The following TMPRSS11E variants were observed in gnomAD, a reference collection of about 807,000 sequenced individuals.
TMPRSS11E encodes transmembrane serine protease 11E, also known as transmembrane protease serine 11E.
In TMPRSS11E, 38 loss-of-function variants were observed where a neutral mutation model predicts 48.1. That is an observed-to-expected ratio of 0.79 (90% CI 0.61 to 1.04). The LOEUF (loss-of-function observed/expected upper bound fraction) is 1.04, where lower values mean the gene tolerates loss of function less well. Among genes scored for constraint, TMPRSS11E ranks in the 50% least tolerant of loss-of-function variants. The pLI, the probability that TMPRSS11E is intolerant of heterozygous loss-of-function variation, is 0.00. For missense variants in TMPRSS11E, 530 were observed against 510.8 expected (o/e 1.04, Z -0.36); for synonymous variants, 158 against 171.9 (o/e 0.92, Z 0.63).
intron 9 of TMPRSS11E, among the ~76,000 whole-genome samples, chr4:68,495,727 T>C (rs35777071): frequency 0.5 from 76,447 of 151,758 alleles, 21,529 homozygotes; most frequent in Non-Finnish European, 0.65. Context: ...AAATTCGGGG[T>C]CTGCCACTGA....
intron 9 of TMPRSS11E, among the ~76,000 whole-genome samples, chr4:68,483,226 C>T (rs1424863410): frequency 6.7e-6 from 1 of 149,174 alleles, no homozygotes; most frequent in East Asian, 2.0e-4. Flanking sequence ...GGAGCAGGAA[C>T]ATCATGTGGT....
intron 9 of TMPRSS11E, among the ~76,000 whole-genome samples, chr4:68,491,083 A>G (rs530892656): frequency 7.9e-5 from 12 of 151,880 alleles, no homozygotes; most frequent in Non-Finnish European, 1.2e-4. Context: ...TCTGACACCA[A>G]TCTAGTAGGG....
chr4:68,492,578 T>C (rs1339917341), intron 9 of TMPRSS11E, among the ~76,000 whole-genome samples: 1 of 152,172 alleles, frequency 6.6e-6, no homozygotes, highest in Non-Finnish European at 1.5e-5. Flanking sequence ...ATGGAGAAAA[T>C]ATGTATATTT....
At chr4:68,490,229 C>T (rs959744216) in intron 9 of TMPRSS11E, among the ~76,000 whole-genome samples, 1 of 152,156 alleles carries the variant, frequency 6.6e-6, no homozygotes, top group Non-Finnish European at 1.5e-5. Context: ...TGCCTTCTTT[C>T]TGAAAATTTG....
At chr4:68,476,850 T>A (rs565750694) in intron 7 of TMPRSS11E, among the ~76,000 whole-genome samples, 1 of 152,250 alleles carries the variant, frequency 6.6e-6, no homozygotes, top group East Asian at 1.9e-4. Flanking sequence ...AATTATGTAA[T>A]GAAGATATGA....
chr4:68,458,983 G>C (rs1003648691), intron 1 of TMPRSS11E, among the ~76,000 whole-genome samples: 4 of 151,990 alleles, frequency 2.6e-5, no homozygotes, highest in African/African-American at 9.7e-5. Flanking sequence ...GGTTAGGAGG[G>C]GTCTGGACTT....
At chr4:68,477,976 C>A (rs1729279503) in intron 8 of TMPRSS11E, among the ~76,000 whole-genome samples, 1 of 152,038 alleles carries the variant, frequency 6.6e-6, no homozygotes, top group South Asian at 2.1e-4. Context: ...ATAAAGCCAC[C>A]ATTCTCCCCT....
intron 9 of TMPRSS11E, among the ~76,000 whole-genome samples, chr4:68,493,478 G>C (rs766632471): frequency 5.3e-5 from 8 of 151,932 alleles, no homozygotes; most frequent in Admixed American, 1.3e-4. Context: ...ATTTTTTTGG[G>C]GGGGAGGGAT....
At chr4:68,457,678 A>C (rs1031821386) in intron 1 of TMPRSS11E, among the ~76,000 whole-genome samples, 1 of 152,098 alleles carries the variant, frequency 6.6e-6, no homozygotes, top group African/African-American at 2.4e-5. Flanking sequence ...TGTTATACGT[A>C]TCTCATTTCT....
At position 68,492,492 on chromosome 4, in the gene TMPRSS11E, G is replaced by T. The variant is rs559914872; in HGVS notation, c.1111-4151G>T. ...CATTTTTCACATTTTTATTATCTTT[G>T]CTGGCGATTTTGCTGTTTAAAATAG... On this transcript the variant is annotated intron_variant, in intron 9 of 9. Transcript: ENST00000305363. Among the ~76,000 whole-genome samples the T allele has an allele frequency of 1.1e-4, 17 of 152,114 alleles. No homozygotes were observed. In the South Asian group the frequency reaches 3.5e-3, roughly 32 times the overall value.
At chr4:68,452,077 AG>A (rs1374125568) in intron 1 of TMPRSS11E, among the ~76,000 whole-genome samples, 1 of 151,934 alleles carries the variant, frequency 6.6e-6, no homozygotes, top group Non-Finnish European at 1.5e-5. Flanking sequence ...CATTCTCTAA[AG>A]GAAGGGAACA....
Position 68,496,690 on chromosome 4 carries a change from G to A in TMPRSS11E, c.1158G>A (p.Trp386Ter), listed in dbSNP as rs1247089623. Residue 386 changes from tryptophan to a stop codon, truncating the protein, a stop_gained, in exon 10 of 10, where the codon TGG becomes TGA. Coordinates refer to ENST00000305363, the MANE Select transcript of TMPRSS11E (RefSeq NM_014058.4). LOFTEE classifies it high-confidence loss of function. Reference sequence around the variant, plus strand: ...TTAGTTCAGATGCTAGAGATATCTGGTACCTTGCTGGAATAGTGAGCTGGG... The same window carrying A: ...TTAGTTCAGATGCTAGAGATATCTGATACCTTGCTGGAATAGTGAGCTGGG... ...PLVSSDARDI[W>*]YLAGIVSWGD... 5 of 1,613,490 alleles carry A rather than the reference G, an allele frequency of 3.1e-6. No individual in the cohort carries two copies. Among genetic ancestry groups the A allele is most frequent in the Non-Finnish European group, 3.4e-6 (4 of 1,179,654 alleles).
At chr4:68,452,016 G>A (rs1006123047) in intron 1 of TMPRSS11E, among the ~76,000 whole-genome samples, 2 of 151,880 alleles carry the variant, frequency 1.3e-5, no homozygotes, top group Non-Finnish European at 2.9e-5. Flanking sequence ...TGTTATGGAT[G>A]ATCTTTAAAG....
At position 68,477,394 on chromosome 4, in the gene TMPRSS11E, G is replaced by A. The variant is rs574636040; in HGVS notation, c.733G>A (p.Ala245Thr). ...TTYKNPARWT[A>T]SFGVTIKPSK... is the part of the protein sequence containing the mutation. ...ATATAAGAACCCTGCCAGATGGACT[G>A]CTTCCTTTGGAGTAACAATAAAACC... The change falls in exon 8 of 10, where the codon GCT becomes ACT. Residue 245 changes from alanine (A) to threonine (T), a missense_variant. Transcript: ENST00000305363. The A allele has an allele frequency of 1.2e-6, 2 of 1,613,918 alleles. No individual in the cohort carries two copies. The highest frequency in any genetic ancestry group is 1.7e-5 in the Admixed American group (1 of 59,998).
intron 9 of TMPRSS11E, among the ~76,000 whole-genome samples, chr4:68,487,173 G>A (rs1193193660): frequency 6.6e-6 from 1 of 152,012 alleles, no homozygotes; most frequent in African/African-American, 2.4e-5. Flanking sequence ...CATGTTGCTA[G>A]CTGGTTATTC....
intron 9 of TMPRSS11E, among the ~76,000 whole-genome samples, chr4:68,488,930 C>T (rs1729639564): frequency 6.6e-6 from 1 of 152,162 alleles, no homozygotes; most frequent in African/African-American, 2.4e-5. Flanking sequence ...TTCAACTTTC[C>T]CCTGAATCTT....
At chr4:68,463,308 T>G (rs1728843614) in intron 2 of TMPRSS11E, among the ~76,000 whole-genome samples, 1 of 152,172 alleles carries the variant, frequency 6.6e-6, no homozygotes, top group African/African-American at 2.4e-5. Context: ...AGCACACTTT[T>G]TTTTTGCTTT....
chr4:68,496,981 C>T lies in TMPRSS11E; in HGVS notation c.*177C>T. The T allele has an allele frequency of 3.5e-6, 2 of 578,350 alleles. No homozygotes were observed. The highest frequency in any genetic ancestry group is 6.8e-5 in the Admixed American group (2 of 29,210). The allele number at this position is 578,350 out of a possible 1,614,324, so 35.8% of individuals were successfully genotyped here. On this transcript the variant is annotated 3_prime_UTR_variant, in exon 10 of 10. Coordinates refer to ENST00000305363, the MANE Select transcript of TMPRSS11E (RefSeq NM_014058.4). ...CAGCTCTGTTCCGCACATAAGCATC[C>T]TGCTTCTGCCAGATCAACTCTGTCA... is the stretch of plus-strand genomic sequence containing the variant.
intron 9 of TMPRSS11E, among the ~76,000 whole-genome samples, chr4:68,488,972 T>C (rs927974383): frequency 6.6e-6 from 1 of 152,220 alleles, no homozygotes; most frequent in Non-Finnish European, 1.5e-5. Context: ...TATTCTGAAT[T>C]CCATGTCTGT....
Sources: allele counts gnomAD v4.1 joint callset (sites outside exome capture counted in the v4.1 genomes callset), GRCh38; gene constraint gnomAD v4.1.1; transcripts MANE v1.5; gene names NCBI Gene and HGNC (gene_info 2026-07-23, HGNC 2026-07-21).